MYO1H: variants seen among roughly 807,000 people sequenced by gnomAD.
The protein encoded by MYO1H is myosin IH.
MYO1H carries 118 observed loss-of-function variants against 149.3 expected under a neutral mutation model. The ratio of observed to expected loss-of-function variants is 0.79; its 90% CI spans 0.68 to 0.92. The LOEUF is 0.92. Ranked by LOEUF, MYO1H falls within the 40% of genes least tolerant of loss-of-function variation. MYO1H has a pLI of 0.00. For missense variants in MYO1H, 1,212 were observed against 1,280.7 expected (o/e 0.95, Z 0.82); for synonymous variants, 447 against 465.2 (o/e 0.96, Z 0.50).
At chr12:109,420,289 ATGTT>A (rs1487765104) in intron 15 of MYO1H, among the ~76,000 whole-genome samples, 5 of 152,118 alleles carry the variant, frequency 3.3e-5, no homozygotes. Context: ...AATGAGGGAC[ATGTT>A]ACCCGCCCCC....
rs115003135 is a variant in MYO1H, at chr12:109,362,604, G to A, written c.12+14632G>A. Among the ~76,000 whole-genome samples, 938 of 152,304 alleles carry A rather than the reference G, an allele frequency of 6.2e-3. 11 individuals are homozygous for A. Among genetic ancestry groups the A allele is most frequent in the African/African-American group, 0.022 (898 of 41,564 alleles). On this transcript the variant is annotated intron_variant, in intron 1 of 31. Coordinates refer to ENST00000310903, the Ensembl canonical transcript of MYO1H. ...AAGAGGGGACAGTCATGCAGAAGTA[G>A]GATTGGACAAAAGAGGATGGGTTTG...
At chr12:109,409,575 G>T (rs572296815) in exon 11 of MYO1H, 2 of 1,613,830 alleles carry the variant, frequency 1.2e-6, no homozygotes. Flanking sequence ...CAGGAAAACT[G>T]TAATTGGATT....
intron 19 of MYO1H, 117 bp from the exon 20 acceptor site, chr12:109,432,780 T>C: frequency 1.3e-6 from 1 of 779,924 alleles, no homozygotes; most frequent in Non-Finnish European, 2.2e-6. Flanking sequence ...GACTACTACA[T>C]ACACTGAGTG....
At chr12:109,445,942 T>A in intron 31 of MYO1H, 1 of 985,432 alleles carries the variant, frequency 1.0e-6, no homozygotes, top group Non-Finnish European at 1.2e-6. Flanking sequence ...TATCCATAAC[T>A]TCCCCCCACG....
intron 27 of MYO1H, among the ~76,000 whole-genome samples, chr12:109,443,060 G>A (rs1342588973): frequency 1.3e-3 from 45 of 35,850 alleles, no homozygotes; most frequent in African/African-American, 2.4e-3. Context: ...ATATGTGTAC[G>A]TATGTGTGTA....
At chr12:109,399,725 A>C (rs1035381088) in intron 5 of MYO1H, among the ~76,000 whole-genome samples, 1 of 152,120 alleles carries the variant, frequency 6.6e-6, no homozygotes, top group Non-Finnish European at 1.5e-5. Context: ...CAGCCTGGGC[A>C]ACATAGTGAG....
intron 1 of MYO1H, among the ~76,000 whole-genome samples, chr12:109,356,782 T>G (rs1868616314): frequency 6.6e-6 from 1 of 152,184 alleles, no homozygotes; most frequent in Non-Finnish European, 1.5e-5. Context: ...TCAGTGGTGA[T>G]TAAGAGGCTG....
At chr12:109,362,984 C>G (rs575729644) in intron 1 of MYO1H, among the ~76,000 whole-genome samples, 1 of 152,188 alleles carries the variant, frequency 6.6e-6, no homozygotes, top group Non-Finnish European at 1.5e-5. Context: ...GAGAGTCCCT[C>G]GTTCATAGCA....
rs181185288 is a variant in MYO1H at position 109,414,447 on chromosome 12, C to T, written c.1503-1079C>T. 3.4e-3 allele frequency among the ~76,000 whole-genome samples: 497 copies of T among 145,108 alleles called. 2 individuals carry two copies. Among genetic ancestry groups the T allele is most frequent in the African/African-American group, 0.012 (449 of 38,998 alleles). On this transcript the variant is annotated intron_variant, in intron 14 of 31. Coordinates refer to ENST00000310903, the Ensembl canonical transcript of MYO1H. ...AGCCGAGATCACACCACTGCACTCC[C>T]GCCTGGGAGACAGAGTGAGACTCCA...
chr12:109,413,284 A>G (rs1870753763), intron 14 of MYO1H, among the ~76,000 whole-genome samples: 1 of 152,112 alleles, frequency 6.6e-6, no homozygotes, highest in South Asian at 2.1e-4. Flanking sequence ...CCCAAGACCA[A>G]ATGAATGCTC....
chr12:109,445,741 C>T, intron 31 of MYO1H, 129 bp downstream of exon 31: 1 of 1,374,282 alleles, frequency 7.3e-7, no homozygotes, highest in Admixed American at 3.4e-5. Flanking sequence ...GCCCTCTATT[C>T]CTAATTCTAC....
the MYO1H span, among the ~76,000 whole-genome samples, chr12:109,311,784 C>A: frequency 0.012 from 1,761 of 152,282 alleles, 35 homozygotes; most frequent in African/African-American, 0.04. Context: ...TCTTCAGATT[C>A]CCTATTAGCA....
At chr12:109,332,371 G>A in the MYO1H span, among the ~76,000 whole-genome samples, 3 of 152,098 alleles carry the variant, frequency 2.0e-5, no homozygotes, top group South Asian at 2.1e-4. Context: ...GTTTCATCCC[G>A]GGCTTGTGGC....
chr12:109,404,476 C>T (rs1266625534), intron 7 of MYO1H, among the ~76,000 whole-genome samples: 1 of 151,930 alleles, frequency 6.6e-6, no homozygotes, highest in Non-Finnish European at 1.5e-5. Context: ...AGCGAGACTG[C>T]GTCTCAAAAA....
chr12:109,347,358 T>A (rs1868359038), upstream of MYO1H, among the ~76,000 whole-genome samples: 1 of 152,180 alleles, frequency 6.6e-6, no homozygotes, highest in Non-Finnish European at 1.5e-5. Context: ...ACCTTGTGAT[T>A]TTTTATGAGA....
chr12:109,409,215 CCTTCTTCTTTTTCTTCTT>C (rs1870536248), intron 10 of MYO1H, among the ~76,000 whole-genome samples: 1 of 127,032 alleles, frequency 7.9e-6, no homozygotes, highest in Non-Finnish European at 1.8e-5. Context: ...TTCTTCTTCT[CCTTCTTCTTTTTCTTCTT>C]CTTCTTCTTC....
chr12:109,397,883 C>G (rs958352029), intron 5 of MYO1H, 71 bp downstream of exon 5: 47 of 1,201,750 alleles, frequency 3.9e-5, no homozygotes, highest in Non-Finnish European at 5.2e-5. Context: ...CAAGCCAAGG[C>G]CCCTTAAGGG....
At chr12:109,443,150 G>A (rs117611944) in intron 27 of MYO1H, among the ~76,000 whole-genome samples, 3,933 of 66,458 alleles carry the variant, frequency 0.059, 981 homozygotes, top group Admixed American at 0.085. Flanking sequence ...ATATGTGTAC[G>A]TATGTGTGTG....
the MYO1H span, among the ~76,000 whole-genome samples, chr12:109,332,316 G>T: frequency 1.3e-5 from 2 of 152,242 alleles, no homozygotes; most frequent in African/African-American, 4.8e-5. Flanking sequence ...CAGGAGATGG[G>T]AAGATGACCC....
Sources: allele counts gnomAD v4.1 joint callset (sites outside exome capture counted in the v4.1 genomes callset), GRCh38; gene constraint gnomAD v4.1.1; transcripts MANE v1.5; gene names NCBI Gene and HGNC (gene_info 2026-07-23, HGNC 2026-07-21).